Variants in IGLON5 observed in about 807,000 individuals in gnomAD.
IGLON5 encodes the protein Ig-like domain-containing protein ENSP00000270642.
IGLON5 carries 16 observed loss-of-function variants against 38.2 expected under a neutral mutation model. The ratio of observed to expected loss-of-function variants is 0.42; its 90% CI spans 0.28 to 0.64. IGLON5 has a LOEUF of 0.64. Among genes scored for constraint, IGLON5 ranks in the 30% least tolerant of loss-of-function variants. The probability of loss-of-function intolerance (pLI) is 0.23; values close to 1 mark genes in which losing one functional copy is unlikely to be tolerated. For missense variants in IGLON5, 366 were observed against 483.4 expected (o/e 0.76, Z 2.28); for synonymous variants, 207 against 216.4 (o/e 0.96, Z 0.38).
intron 1 of IGLON5, among the ~76,000 whole-genome samples, chr19:51,316,182 C>CAA (rs34549182): frequency 4.8e-5 from 6 of 124,354 alleles, no homozygotes; most frequent in Non-Finnish European, 1.1e-4. Flanking sequence ...CCCATATCTA[C>CAA]AAAAAAAAAA....
chr19:51,328,384 C>T (rs1985267439), intron 7 of IGLON5, among the ~76,000 whole-genome samples: 1 of 150,262 alleles, frequency 6.7e-6, no homozygotes, highest in Non-Finnish European at 1.5e-5. Context: ...TAGTGATGGG[C>T]ACCTGTGGTC....
In IGLON5 at chr19:51,327,701, C is replaced by T. The variant is rs374903486; in HGVS notation, c.768-31C>T. The T allele has an allele frequency of 8.9e-5, 138 of 1,547,278 alleles. No homozygotes were observed. In the African/African-American group the frequency reaches 1.8e-3, roughly 20 times the overall value. On this transcript the variant is annotated intron_variant, in intron 6 of 7. Transcript: ENST00000270642. This position sits in a 1 kb window ranked among gnomAD's most constrained non-coding sequence, Gnocchi z 7.1. Reference sequence around the variant, plus strand: ...GGGGGGCTGGCCTGGCTGGGCGCTGCGGCCCGGCCCCTGACCCGGATCCCT... The same window carrying T: ...GGGGGGCTGGCCTGGCTGGGCGCTGTGGCCCGGCCCCTGACCCGGATCCCT...
At position 51,329,116 on chromosome 19, in the gene IGLON5, C is replaced by G. The variant is rs1233230285; in HGVS notation, c.*357C>G. ...TGCATGCATGTGTAGGTGTCTGTGT[C>G]TCTGTTTGTGTGTGTGTGGGGGGGT... On this transcript the variant is annotated 3_prime_UTR_variant, in exon 8 of 8. Transcript: ENST00000270642. This position sits in a 1 kb window ranked among gnomAD's most constrained non-coding sequence, Gnocchi z 4.3. 7.5e-6 allele frequency: 1 copy of G among 133,580 alleles called. No individual in the cohort carries two copies. Among genetic ancestry groups the G allele is most frequent in the Non-Finnish European group, 1.6e-5 (1 of 64,044 alleles). The allele number at this position is 133,580 out of a possible 1,614,324, so 8.3% of individuals were successfully genotyped here. A position where few individuals can be genotyped will look rare whatever the true frequency, so the allele number is the denominator to read the frequency against.
chr19:51,319,165 G>A (rs1172995357), intron 1 of IGLON5, among the ~76,000 whole-genome samples: 2 of 152,144 alleles, frequency 1.3e-5, no homozygotes, highest in African/African-American at 4.8e-5. Flanking sequence ...GATAGGGCAG[G>A]GTACGTGCCT....
rs1164347120 is a variant in IGLON5 at position 51,323,873 on chromosome 19, C to G, written c.370C>G (p.Gln124Glu). The change falls in exon 3 of 8, where the codon CAG becomes GAG. Residue 124 changes from glutamine to glutamate, a missense_variant. By Grantham distance (29) the Gln-to-Glu change is conservative. Transcript: ENST00000270642. ...GACCCGCCACCAGCCGTACACCACT[C>G]AGGTCTACCTCATTGTCCACGGTGA... ...FQTRHQPYTTQVYLIVHVPAR... is the reference protein window; with the variant it reads ...FQTRHQPYTTEVYLIVHVPAR... 2 of 1,611,646 alleles carry G rather than the reference C, an allele frequency of 1.2e-6. No individual in the cohort carries two copies. Among genetic ancestry groups the G allele is most frequent in the Non-Finnish European group, 1.7e-6 (2 of 1,178,216 alleles).
intron 3 of IGLON5, 60 bp downstream of exon 3, chr19:51,323,954 CATG>C (rs1485158591): frequency 1.2e-5 from 14 of 1,172,384 alleles, no homozygotes; most frequent in Non-Finnish European, 1.6e-5. Context: ...GGAGACTAGG[CATG>C]ATGACAGATA....
intron 1 of IGLON5, among the ~76,000 whole-genome samples, chr19:51,315,049 A>G (rs1290516497): frequency 6.6e-6 from 1 of 152,210 alleles, no homozygotes; most frequent in Admixed American, 6.5e-5. Context: ...TTTCCCACTT[A>G]ACCATACCTC....
chr19:51,322,307 G>A (rs555039332), intron 2 of IGLON5, among the ~76,000 whole-genome samples, 165 bp downstream of exon 2: 7 of 152,162 alleles, frequency 4.6e-5, no homozygotes, highest in Non-Finnish European at 8.8e-5. Flanking sequence ...GCTCCCCCTC[G>A]GCTTCAGTGT....
chr19:51,329,019 C>A lies in IGLON5; in HGVS notation c.*260C>A. 1 of 397,738 alleles carries A rather than the reference C, an allele frequency of 2.5e-6. No homozygotes were observed. The highest frequency in any genetic ancestry group is 3.5e-5 in the South Asian group (1 of 28,264). 24.6% of individuals were successfully genotyped at this position (397,738 alleles called of 1,614,324 possible). ...GTTTCCGATTGTGACCCACTCCCGC[C>A]ACCCCATACCCCTCTCTCTTAGCTC... On this transcript the variant is annotated 3_prime_UTR_variant, in exon 8 of 8. Coordinates refer to ENST00000270642, the MANE Select transcript of IGLON5 (RefSeq NM_001101372.3). The surrounding 1 kb of genome is among the most constrained non-coding windows in gnomAD (Gnocchi z 4.3).
rs1985205572 is a variant in IGLON5 at position 51,325,925 on chromosome 19, T to C, written c.511+460T>C. On this transcript the variant is annotated intron_variant, in intron 4 of 7. Coordinates refer to ENST00000270642, the MANE Select transcript of IGLON5 (RefSeq NM_001101372.3). The surrounding 1 kb of genome is among the most constrained non-coding windows in gnomAD (Gnocchi z 5.5). ...CGAAGCATCAGCATACCTTGGGAAC[T>C]TGCCAGGAATGCACTTTCCCAGGCT... Among the ~76,000 whole-genome samples the C allele has an allele frequency of 2.0e-5, 3 of 152,038 alleles. No homozygotes were observed. Among genetic ancestry groups the C allele is most frequent in the African/African-American group, 4.8e-5 (2 of 41,380 alleles).
chr19:51,319,396 C>G (rs529411919), intron 1 of IGLON5, among the ~76,000 whole-genome samples: 1 of 151,888 alleles, frequency 6.6e-6, no homozygotes, highest in Non-Finnish European at 1.5e-5. Context: ...GTGGCCCCTT[C>G]GTGCTTGAGG....
Position 51,325,271 on chromosome 19 carries a change from C to G in IGLON5, c.392-75C>G. 6.4e-7 allele frequency: 1 copy of G among 1,566,166 alleles called. No homozygotes were observed. The highest frequency in any genetic ancestry group is 1.9e-4 in the Middle Eastern group (1 of 5,152). On this transcript the variant is annotated intron_variant, in intron 3 of 7. Transcript: ENST00000270642. This position sits in a 1 kb window ranked among gnomAD's most constrained non-coding sequence, Gnocchi z 5.5. ...GGAGGAGGGGCTGGGGGTCTGGACTCCTGGGTCTGAAGGAGGAAGGGCTGG... is the reference window on the plus strand; with the variant it reads ...GGAGGAGGGGCTGGGGGTCTGGACTGCTGGGTCTGAAGGAGGAAGGGCTGG...
chr19:51,328,839 G>C lies in IGLON5; in HGVS notation c.*80G>C. 1 of 976,452 alleles carries C rather than the reference G, an allele frequency of 1.0e-6. No individual in the cohort carries two copies. Among genetic ancestry groups the C allele is most frequent in the Non-Finnish European group, 1.5e-6 (1 of 668,328 alleles). 60.5% of individuals were successfully genotyped at this position (976,452 alleles called of 1,614,324 possible). ...GAGAAACGGGGGAGCAAGAGCCGTG[G>C]GTCTCGTGGGGGCAGAAGAGCTCTC... On this transcript the variant is annotated 3_prime_UTR_variant, in exon 8 of 8. Transcript: ENST00000270642.
At position 51,325,830 on chromosome 19, in the gene IGLON5, C is replaced by G. The variant is rs1235773484; in HGVS notation, c.511+365C>G. 7.4e-6 allele frequency among the ~76,000 whole-genome samples: 1 copy of G among 135,646 alleles called. No homozygotes were observed. Among genetic ancestry groups the G allele is most frequent in the African/African-American group, 3.2e-5 (1 of 31,072 alleles). 89.0% of individuals were successfully genotyped at this position (135,646 alleles called of 152,430 possible). ...AAGCCAGGCTGCACCAGCGGTCCTGCGTACATCTCTGCCTCTCTCTTCTGC... is the reference window on the plus strand; with the variant it reads ...AAGCCAGGCTGCACCAGCGGTCCTGGGTACATCTCTGCCTCTCTCTTCTGC... On this transcript the variant is annotated intron_variant, in intron 4 of 7. Transcript: ENST00000270642. The surrounding 1 kb of genome is among the most constrained non-coding windows in gnomAD (Gnocchi z 5.5).
chr19:51,311,972 C>A, intron 1 of IGLON5, 46 bp downstream of exon 1: 2 of 1,073,128 alleles, frequency 1.9e-6, no homozygotes, highest in South Asian at 2.7e-5. Context: ...ACGCCAGGGT[C>A]TTGGGTGGGT....
chr19:51,326,735 C>T (rs1340860774), intron 4 of IGLON5, 29 bp from the exon 5 acceptor site: 8 of 1,528,010 alleles, frequency 5.2e-6, no homozygotes, highest in Non-Finnish European at 1.8e-6. Flanking sequence ...GTGTCCGGCC[C>T]CGCCCCCTCC....
In IGLON5 at chr19:51,326,822, C is replaced by T. The variant is rs776877261; in HGVS notation, c.570C>T (p.Ala190=). The change falls in exon 5 of 8, where the codon GCC becomes GCT. Residue 190 remains alanine (A), a synonymous_variant. Coordinates refer to ENST00000270642, the MANE Select transcript of IGLON5 (RefSeq NM_001101372.3). The part of the protein sequence containing the change: ...LEISDIQRGQ[A]GEYECVTHNG... ...TCTCTGACATCCAGCGGGGCCAGGC[C>T]GGGGAGTATGAGTGCGTGACTCACA... 5.8e-6 allele frequency: 9 copies of T among 1,552,352 alleles called. No individual in the cohort carries two copies. The highest frequency in any genetic ancestry group is 3.6e-5 in the South Asian group (3 of 84,146).
At chr19:51,313,647 T>TTTCTTTCTTTCTTTC (rs1984831615) in intron 1 of IGLON5, among the ~76,000 whole-genome samples, 19 of 116,274 alleles carry the variant, frequency 1.6e-4, no homozygotes, top group Admixed American at 6.0e-4. Context: ...CTCTCTCTCT[T>TTTCTTTCTTTCTTTC]TTTCTTTCTT....
At chr19:51,328,599 G>T in intron 7 of IGLON5, 72 bp from the exon 8 acceptor site, 1 of 948,364 alleles carries the variant, frequency 1.1e-6, no homozygotes, top group Non-Finnish European at 1.5e-6. Flanking sequence ...AGAAGAGATG[G>T]GGCCCCTGGA....
Sources: allele counts gnomAD v4.1 joint callset (sites outside exome capture counted in the v4.1 genomes callset), GRCh38; gene constraint gnomAD v4.1.1; non-coding constraint Gnocchi (gnomAD v3.1); transcripts MANE v1.5; gene names NCBI Gene and HGNC (gene_info 2026-07-23, HGNC 2026-07-21).